Variants in DIP2B observed in about 807,000 individuals in gnomAD.
The protein encoded by DIP2B is DIP2 acetate--CoA ligase B (putative), also known as disco-interacting protein 2 homolog B.
DIP2B carries 76 observed loss-of-function variants against 198.0 expected under a neutral mutation model. The ratio of observed to expected loss-of-function variants is 0.38; its 90% CI spans 0.32 to 0.46. The LOEUF (loss-of-function observed/expected upper bound fraction) is 0.46. Ranked by LOEUF, DIP2B falls within the 20% of genes least tolerant of loss-of-function variation. DIP2B has a pLI of 0.99. For missense variants in DIP2B, 1,559 were observed against 1,978.4 expected, an observed-to-expected ratio of 0.79 and a Z score of 4.02; for synonymous variants, 701 against 739.1, an observed-to-expected ratio of 0.95 and a Z score of 0.84.
chr12:50,690,279 C>T (rs1016193469), intron 12 of DIP2B, among the ~76,000 whole-genome samples: 24 of 152,046 alleles, frequency 1.6e-4, no homozygotes, highest in African/African-American at 5.3e-4. Flanking sequence ...GTAGAGACGT[C>T]GTTTCACCAC....
intron 23 of DIP2B, 60 bp from the exon 24 acceptor site, chr12:50,718,649 C>T (rs1416644332): frequency 7.0e-7 from 1 of 1,435,628 alleles, no homozygotes; most frequent in African/African-American, 1.4e-5. Flanking sequence ...TCTGGAAATG[C>T]TCTGGATACT....
chr12:50,654,161 AC>A (rs1349570110), intron 3 of DIP2B, among the ~76,000 whole-genome samples: 1 of 152,164 alleles, frequency 6.6e-6, no homozygotes, highest in Non-Finnish European at 1.5e-5. Context: ...AGCGTGAACC[AC>A]CACGCCCAGC....
At chr12:50,650,993 A>G (rs956930862) in intron 3 of DIP2B, among the ~76,000 whole-genome samples, 1 of 152,128 alleles carries the variant, frequency 6.6e-6, no homozygotes, top group Non-Finnish European at 1.5e-5. Flanking sequence ...TTTGATATAG[A>G]AAAAAAATCT....
intron 22 of DIP2B, among the ~76,000 whole-genome samples, chr12:50,709,085 A>G (rs1295143001): frequency 2.6e-5 from 4 of 152,332 alleles, no homozygotes; most frequent in East Asian, 1.9e-4. Flanking sequence ...GAGTGATGAC[A>G]AGAGCCTAGT....
At chr12:50,731,266 C>A in intron 30 of DIP2B, 103 bp from the exon 31 acceptor site, 2 of 1,397,776 alleles carry the variant, frequency 1.4e-6, no homozygotes, top group Non-Finnish European at 2.0e-6. Context: ...TGTCCCTACA[C>A]TGTCCTTTAC....
chr12:50,639,941 A>G (rs545442857), intron 2 of DIP2B, among the ~76,000 whole-genome samples: 13 of 152,326 alleles, frequency 8.5e-5, no homozygotes, highest in African/African-American at 3.1e-4. Context: ...GGAGCAGGAA[A>G]TGAGGCATTG....
At chr12:50,637,473 C>T (rs1938180750) in intron 2 of DIP2B, among the ~76,000 whole-genome samples, 2 of 152,184 alleles carry the variant, frequency 1.3e-5, no homozygotes, top group Non-Finnish European at 2.9e-5. Flanking sequence ...CTTCTCTCTG[C>T]CTAGTTAAGT....
At chr12:50,560,134 C>A (rs1593609393) in intron 1 of DIP2B, among the ~76,000 whole-genome samples, 1 of 151,942 alleles carries the variant, frequency 6.6e-6, no homozygotes, top group Admixed American at 6.6e-5. Flanking sequence ...AAAAATTAGC[C>A]CTTTAATCCT....
chr12:50,562,943 T>C (rs1049829050), intron 1 of DIP2B, among the ~76,000 whole-genome samples: 1 of 152,198 alleles, frequency 6.6e-6, no homozygotes, highest in African/African-American at 2.4e-5. Flanking sequence ...AAATATATTC[T>C]AGCTACCTTT....
At chr12:50,658,902 G>T (rs184758233) in intron 3 of DIP2B, among the ~76,000 whole-genome samples, 49 of 152,126 alleles carry the variant, frequency 3.2e-4, no homozygotes, top group African/African-American at 1.2e-3. Context: ...GCCTGACCAA[G>T]ATGGTGAAAC....
rs562251728 is a variant in DIP2B, at chr12:50,537,325, T to C, written c.100+32085T>C. On this transcript the variant is annotated intron_variant, in intron 1 of 37. Transcript: ENST00000301180. ...CCCAGAGGCTAGAAACCATGTCTTA[T>C]TCATTTTTACCTTACCTGTTGTGAA... is the stretch of plus-strand genomic sequence containing the variant. Among the ~76,000 whole-genome samples the C allele has an allele frequency of 3.2e-4, 48 of 152,122 alleles. 1 individual carries two copies. In the South Asian group the frequency reaches 1.0e-2, roughly 32 times the overall value.
At chr12:50,667,285 A>C (rs1565864422) in intron 4 of DIP2B, among the ~76,000 whole-genome samples, 1 of 152,234 alleles carries the variant, frequency 6.6e-6, no homozygotes. Context: ...CTGAAAGGCA[A>C]ACTATGTTTT....
At chr12:50,583,297 A>G (rs1958741753) in intron 1 of DIP2B, among the ~76,000 whole-genome samples, 1 of 148,264 alleles carries the variant, frequency 6.7e-6, no homozygotes, top group East Asian at 2.2e-4. Context: ...CACCACATCT[A>G]CACGTTTTTT....
intron 1 of DIP2B, among the ~76,000 whole-genome samples, chr12:50,588,942 T>C (rs968573763): frequency 6.6e-6 from 1 of 152,110 alleles, no homozygotes; most frequent in Admixed American, 6.5e-5. Flanking sequence ...CCTAGCACTT[T>C]GGGAGGCCGA....
At position 50,589,982 on chromosome 12, in the gene DIP2B, G is replaced by GTT. The variant is rs200377185; in HGVS notation, c.101-35992_101-35991dup. ...GGGGCAGAGGAGATAGGCATTTCCT[G>GTT]TTTCTCTCTCTCTCTCTCTTTCTCT... On this transcript the variant is annotated intron_variant, in intron 1 of 37. Coordinates refer to ENST00000301180, the MANE Select transcript of DIP2B (RefSeq NM_173602.3). 2.5e-3 allele frequency among the ~76,000 whole-genome samples: 375 copies of GTT among 148,614 alleles called. 11 individuals are homozygous for GTT. The highest frequency in any genetic ancestry group is 0.024 in the Admixed American group (354 of 14,492).
In DIP2B at chr12:50,697,181, G is replaced by A. The variant is rs778394803; in HGVS notation, c.2048+6G>A. 8.0e-5 allele frequency: 129 copies of A among 1,612,622 alleles called. No homozygotes were observed. Among genetic ancestry groups the A allele is most frequent in the Non-Finnish European group, 9.3e-5 (110 of 1,179,156 alleles). On this transcript the variant is annotated splice_donor_region_variant and intron_variant, in intron 17 of 37. Coordinates refer to ENST00000301180, the MANE Select transcript of DIP2B (RefSeq NM_173602.3). Reference sequence around the variant, plus strand: ...ATGACTGTAGCAATCCGCAGGTACTGTTCAGGATGTCAGATGCTCTTGATG... The same window carrying A: ...ATGACTGTAGCAATCCGCAGGTACTATTCAGGATGTCAGATGCTCTTGATG...
Position 50,505,100 on chromosome 12 carries a change from C to T in DIP2B, c.-41C>T. On this transcript the variant is annotated 5_prime_UTR_variant, in exon 1 of 38. Transcript: ENST00000301180. The stretch of plus-strand genomic sequence containing the variant: ...CCGTGTCTGTCCGTCCCTCCTTCGG[C>T]CCCCTCTCTTGTCTTCCGGAGTGTG... 1 of 1,512,492 alleles carries T rather than the reference C, an allele frequency of 6.6e-7. No homozygotes were observed. The highest frequency in any genetic ancestry group is 8.9e-7 in the Non-Finnish European group (1 of 1,128,988). 93.7% of individuals were successfully genotyped at this position (1,512,492 alleles called of 1,614,324 possible).
Position 50,638,479 on chromosome 12 carries a change from G to A in DIP2B, c.173-2245G>A, listed in dbSNP as rs79609319. 2.7e-3 allele frequency among the ~76,000 whole-genome samples: 409 copies of A among 152,276 alleles called. 17 individuals are homozygous for A. The East Asian group carries it at 0.075, about 28-fold the overall frequency. ...CACTTGGCATTACTTTATTTGGACT[G>A]AAGTATCTGCATAGTCTACATATTT... On this transcript the variant is annotated intron_variant, in intron 2 of 37. Transcript: ENST00000301180.
chr12:50,582,920 T>G (rs1958738306), intron 1 of DIP2B, among the ~76,000 whole-genome samples: 1 of 152,032 alleles, frequency 6.6e-6, no homozygotes. Flanking sequence ...ATTTTGGGGG[T>G]GTGTGGGGTC....
Sources: allele counts gnomAD v4.1 joint callset (sites outside exome capture counted in the v4.1 genomes callset), GRCh38; gene constraint gnomAD v4.1.1; transcripts MANE v1.5; gene names NCBI Gene and HGNC (gene_info 2026-07-23, HGNC 2026-07-21).